STRBP: variants seen among roughly 807,000 people sequenced by gnomAD.
STRBP encodes the protein spermatid perinuclear RNA binding protein.
A neutral mutation model predicts 80.1 loss-of-function variants in STRBP; 13 were observed. The ratio of observed to expected loss-of-function variants is 0.16; its 90% CI spans 0.11 to 0.26. The LOEUF is 0.26. Among genes scored for constraint, STRBP ranks in the 10% least tolerant of loss-of-function variants. The pLI is 1.00. For synonymous variants in STRBP, 284 were observed against 291.2 expected, an observed-to-expected ratio of 0.98 and a Z score of 0.25; for missense variants, 485 against 815.2, an observed-to-expected ratio of 0.59 and a Z score of 4.93.
chr9:123,141,322 C>T (rs950727258), intron 13 of STRBP, among the ~76,000 whole-genome samples: 1 of 152,140 alleles, frequency 6.6e-6, no homozygotes, highest in African/African-American at 2.4e-5. Flanking sequence ...AATAAAATGT[C>T]TTGTATTTGC....
chr9:123,241,115 G>T (rs1164368265), intron 1 of STRBP, among the ~76,000 whole-genome samples: 2 of 151,134 alleles, frequency 1.3e-5, no homozygotes, highest in Non-Finnish European at 2.9e-5. Context: ...GGTGGCGGAG[G>T]TTGCGGTGAG....
At chr9:123,230,402 T>A (rs554528974) in intron 2 of STRBP, among the ~76,000 whole-genome samples, 225 of 152,334 alleles carry the variant, frequency 1.5e-3, no homozygotes, top group African/African-American at 4.7e-3. Flanking sequence ...GCAAGTCCCA[T>A]GCATTTTTGT....
chr9:123,168,943 C>T (rs1227331071), intron 6 of STRBP, among the ~76,000 whole-genome samples: 1 of 152,152 alleles, frequency 6.6e-6, no homozygotes, highest in African/African-American at 2.4e-5. Context: ...TTCTTCTTAA[C>T]TTCAGAAGAA....
chr9:123,236,789 C>T (rs2040575675), intron 2 of STRBP, 41 bp downstream of exon 2: 1 of 152,122 alleles, frequency 6.6e-6, no homozygotes, highest in African/African-American at 2.4e-5. Flanking sequence ...TCGATTTTCT[C>T]CTTTACGAAG....
rs942086290 is a variant in STRBP at position 123,110,337 on chromosome 9, C to G, written c.*85-584G>C. ...CCCTAGGCCAGCCCCTTCCCCAGCA[C>G]CCCCTGCCAAAGTACCCTTGGGAAC... On this transcript the variant is annotated intron_variant and NMD_transcript_variant, in intron 3 of 3. Transcript: ENST00000471564. This position sits in a 1 kb window ranked among gnomAD's most constrained non-coding sequence, Gnocchi z 4.1. The G allele has an allele frequency of 4.3e-5, 7 of 163,122 alleles. No homozygotes were observed. Among genetic ancestry groups the G allele is most frequent in the African/African-American group, 7.2e-5 (3 of 41,466 alleles). 10.1% of individuals were successfully genotyped at this position (163,122 alleles called of 1,614,324 possible).
chr9:123,228,520 A>T (rs1188572098), intron 2 of STRBP, among the ~76,000 whole-genome samples: 3 of 152,206 alleles, frequency 2.0e-5, no homozygotes, highest in African/African-American at 7.2e-5. Context: ...CCAAAAGTGA[A>T]TAAAGTGTAT....
At chr9:123,116,835 C>A (rs1383152727), downstream of STRBP, among the ~76,000 whole-genome samples, 1 of 152,202 alleles carries the variant, frequency 6.6e-6, no homozygotes. Flanking sequence ...CTTATCTAAG[C>A]ATCTATTTCC....
intron 1 of STRBP, among the ~76,000 whole-genome samples, chr9:123,256,489 C>T (rs932349774): frequency 8.5e-5 from 13 of 152,122 alleles, no homozygotes; most frequent in Admixed American, 1.3e-4. Flanking sequence ...ATATATACAA[C>T]GGTTAAGTTC....
intron 2 of STRBP, among the ~76,000 whole-genome samples, chr9:123,190,638 A>G (rs77565395): frequency 0.011 from 1,662 of 152,362 alleles, 7 homozygotes; most frequent in Admixed American, 0.015. Flanking sequence ...AATAATGGGC[A>G]GAGGCCGAAA....
At chr9:123,194,123 G>A (rs575372728) in intron 2 of STRBP, among the ~76,000 whole-genome samples, 44 of 152,190 alleles carry the variant, frequency 2.9e-4, no homozygotes, top group African/African-American at 1.0e-3. Flanking sequence ...AAAGTTAAAT[G>A]TTCATTCACT....
In STRBP at chr9:123,229,652, A is replaced by G. The variant is rs2040343647; in HGVS notation, c.-165+7178T>C. ...AAGTGAAGAGCTTGTTTTTGATAGAAGCACATGTAGTTTATCTATGGTGAG... is the reference window on the plus strand; with the variant it reads ...AAGTGAAGAGCTTGTTTTTGATAGAGGCACATGTAGTTTATCTATGGTGAG... On this transcript the variant is annotated intron_variant, in intron 2 of 18. Coordinates refer to ENST00000348403, the MANE Select transcript of STRBP (RefSeq NM_018387.5). 2.0e-5 allele frequency among the ~76,000 whole-genome samples: 3 copies of G among 152,330 alleles called. No individual in the cohort carries two copies. In the South Asian group the frequency reaches 6.2e-4, roughly 32 times the overall value.
chr9:123,146,314 A>G (rs2036812112), intron 13 of STRBP, among the ~76,000 whole-genome samples: 1 of 152,080 alleles, frequency 6.6e-6, no homozygotes, highest in Admixed American at 6.6e-5. Flanking sequence ...ACAAAGCACC[A>G]TATACAAAGA....
At chr9:123,183,033 A>C (rs10818787) in intron 3 of STRBP, among the ~76,000 whole-genome samples, 128,785 of 139,998 alleles carry the variant, frequency 0.92, 59,518 homozygotes, top group Non-Finnish European at 0.98. Context: ...AAAAAAAAAA[A>C]AAAAACAAAA....
intron 14 of STRBP, among the ~76,000 whole-genome samples, chr9:123,139,180 A>C (rs1344342022): frequency 6.6e-6 from 1 of 152,170 alleles, no homozygotes; most frequent in Non-Finnish European, 1.5e-5. Context: ...TCTGCCCATC[A>C]GTTACTGCTG....
intron 1 of STRBP, among the ~76,000 whole-genome samples, chr9:123,253,231 T>C (rs2040953666): frequency 6.6e-6 from 1 of 152,144 alleles, no homozygotes; most frequent in Non-Finnish European, 1.5e-5. Context: ...TAAGAACAAA[T>C]GTCAGAAGCT....
At chr9:123,267,627 CCCCT>C (rs1043962156) in intron 1 of STRBP, among the ~76,000 whole-genome samples, 2 of 151,856 alleles carry the variant, frequency 1.3e-5, no homozygotes, top group Admixed American at 6.6e-5. Context: ...GCACCCTGCT[CCCCT>C]CCCTCCCTTT....
chr9:123,222,758 G>A (rs1255159307), intron 2 of STRBP, among the ~76,000 whole-genome samples: 1 of 152,110 alleles, frequency 6.6e-6, no homozygotes, highest in East Asian at 1.9e-4. Context: ...ATTCCAAAAG[G>A]AGAAGGCACC....
chr9:123,113,730 G>A (rs80122375), intron 3 of STRBP: 3,004 of 167,298 alleles, frequency 0.018, 38 homozygotes, highest in South Asian at 0.062. Context: ...TTAAGCCAAA[G>A]GGTAAGTCAT....
chr9:123,164,979 G>A lies in STRBP; in HGVS notation c.536-3911C>T, dbSNP rs187094473. Among the ~76,000 whole-genome samples, 406 of 152,210 alleles carry A rather than the reference G, an allele frequency of 2.7e-3. 3 individuals are homozygous for A. Among genetic ancestry groups the A allele is most frequent in the Middle Eastern group, 0.01 (3 of 294 alleles). On this transcript the variant is annotated intron_variant, in intron 6 of 18. Transcript: ENST00000348403. ...GGCAGTCTGCCACTGGAAAGACAGTGCCTAAAAGTTTGCCCTGGATTGACC... is the reference window on the plus strand; with the variant it reads ...GGCAGTCTGCCACTGGAAAGACAGTACCTAAAAGTTTGCCCTGGATTGACC...
Sources: gnomAD v4.1 joint callset for allele counts (sites outside exome capture counted in the v4.1 genomes callset) on GRCh38, gnomAD v4.1.1 for gene constraint, Gnocchi (gnomAD v3.1) non-coding constraint, MANE v1.5 for transcripts, NCBI Gene and HGNC (gene_info 2026-07-23, HGNC 2026-07-21) for gene names.